The following IFT46 variants were observed in gnomAD, a reference collection of about 807,000 sequenced individuals.
IFT46 encodes intraflagellar transport 46, also known as intraflagellar transport protein 46 homolog.
IFT46 carries 19 observed loss-of-function variants against 39.6 expected under a neutral mutation model. The ratio of observed to expected loss-of-function variants is 0.48; its 90% CI spans 0.33 to 0.70. IFT46 has a LOEUF of 0.70. Ranked by LOEUF, IFT46 falls within the 30% of genes least tolerant of loss-of-function variation. IFT46 has a pLI of 0.01. For synonymous variants in IFT46, 117 were observed against 134.8 expected (o/e 0.87, Z 0.91); for missense variants, 334 against 364.8 (o/e 0.92, Z 0.69).
upstream of IFT46, among the ~76,000 whole-genome samples, chr11:118,568,509 A>G (rs1166048796): frequency 1.3e-5 from 2 of 152,070 alleles, no homozygotes; most frequent in Non-Finnish European, 2.9e-5. Context: ...TTAAGATGGC[A>G]CCACTGCATT....
chr11:118,555,200 G>C, intron 5 of IFT46, 48 bp downstream of exon 5: 3 of 1,568,498 alleles, frequency 1.9e-6, no homozygotes. Context: ...GGAAAGGTTT[G>C]GGGCAAGGTA....
At chr11:118,572,851 G>C (rs1231368093) in exon 1 of IFT46, 2 of 403,084 alleles carry the variant, frequency 5.0e-6, no homozygotes, top group African/African-American at 4.1e-5. Flanking sequence ...CGAGAACTTC[G>C]TGGTGGTGGT....
intron 7 of IFT46, among the ~76,000 whole-genome samples, chr11:118,552,675 C>A (rs1555068727): frequency 6.6e-6 from 1 of 151,954 alleles, no homozygotes; most frequent in African/African-American, 2.4e-5. Context: ...TGCCTGTGGT[C>A]TCAGCTACTT....
chr11:118,571,944 C>G (rs1464075807), intron 1 of IFT46, among the ~76,000 whole-genome samples: 1 of 151,890 alleles, frequency 6.6e-6, no homozygotes, highest in Non-Finnish European at 1.5e-5. Flanking sequence ...AAAAAACAGC[C>G]GAGCGTGGTG....
chr11:118,551,228 T>C (rs1951796842), intron 9 of IFT46, among the ~76,000 whole-genome samples: 1 of 150,638 alleles, frequency 6.6e-6, no homozygotes, highest in Non-Finnish European at 1.5e-5. Flanking sequence ...AAAATTAGCA[T>C]GGTGGCATGG....
intron 3 of IFT46, among the ~76,000 whole-genome samples, chr11:118,558,205 T>C (rs1183558215): frequency 6.6e-6 from 1 of 152,240 alleles, no homozygotes; most frequent in East Asian, 1.9e-4. Flanking sequence ...TATTAGTATA[T>C]GACTGATAAG....
chr11:118,550,956 G>A (rs953124238), intron 9 of IFT46, among the ~76,000 whole-genome samples: 4 of 151,512 alleles, frequency 2.6e-5, no homozygotes, highest in African/African-American at 4.9e-5. Flanking sequence ...GAACCTGCGG[G>A]GGGTACGGAG....
intron 2 of IFT46, among the ~76,000 whole-genome samples, chr11:118,564,188 CAAAAAAAAAA>C (rs34442295): frequency 1.8e-5 from 1 of 55,104 alleles, no homozygotes; most frequent in South Asian, 6.4e-4. Flanking sequence ...GACTCTGTCT[CAAAAAAAAAA>C]AAAAAAAAAA....
chr11:118,546,486 T>TAAA (rs373375710), intron 9 of IFT46: 9 of 212,856 alleles, frequency 4.2e-5, no homozygotes, highest in African/African-American at 1.9e-4. Context: ...TAATACCCTG[T>TAAA]AAAAAAAAAG....
intron 2 of IFT46, chr11:118,560,366 C>G (rs1938000388): frequency 5.9e-6 from 1 of 169,666 alleles, no homozygotes. Context: ...CTGCAGTGAG[C>G]AGTGTCCAGT....
intron 10 of IFT46, 23 bp downstream of exon 10, chr11:118,545,770 G>T: frequency 6.2e-7 from 1 of 1,610,344 alleles, no homozygotes; most frequent in Non-Finnish European, 8.5e-7. Context: ...AGATGGGGAC[G>T]AGGAAAGGAA....
intron 2 of IFT46, 134 bp from the exon 3 acceptor site, chr11:118,559,998 G>A (rs1256373969): frequency 4.8e-6 from 3 of 625,668 alleles, no homozygotes; most frequent in Non-Finnish European, 8.4e-6. Context: ...TAAAGAGACA[G>A]GAGACTGAAT....
Position 118,552,222 on chromosome 11 carries a change from G to T in IFT46, c.597C>A (p.His199Gln). ...LHRSKPPATV[H>Q]YTRPMPDIDT... ...AATGTGGTATTTCTTACCTGGTGTA[G>T]TGCACAGTCGCAGGGGGCTTAGAAC... The change falls in exon 8 of 12, where the codon CAC becomes CAA. Residue 199 changes from histidine to glutamine, a missense_variant. Transcript: ENST00000264021. 1 of 1,614,156 alleles carries T rather than the reference G, an allele frequency of 6.2e-7. No individual in the cohort carries two copies. Among genetic ancestry groups the T allele is most frequent in the Admixed American group, 1.7e-5 (1 of 60,006 alleles).
intron 2 of IFT46, among the ~76,000 whole-genome samples, chr11:118,564,535 G>A (rs190812737): frequency 6.6e-6 from 1 of 152,002 alleles, no homozygotes; most frequent in African/African-American, 2.4e-5. Context: ...ACATAGCGAG[G>A]CCTCGTCTCT....
At chr11:118,560,788 G>A in intron 2 of IFT46, 1 of 724,304 alleles carries the variant, frequency 1.4e-6, no homozygotes, top group Non-Finnish European at 2.5e-6. Flanking sequence ...ACTATCCTCA[G>A]AAATGCTTGG....
intron 9 of IFT46, chr11:118,546,315 T>C (rs1951684999): frequency 3.3e-6 from 2 of 601,580 alleles, no homozygotes; most frequent in Admixed American, 2.9e-5. Context: ...CTGGGCAACA[T>C]GGTGAAATTC....
chr11:118,564,187 TCAAAA>T (rs1341733110), intron 2 of IFT46, among the ~76,000 whole-genome samples: 55 of 59,338 alleles, frequency 9.3e-4, no homozygotes, highest in African/African-American at 4.4e-3. Context: ...AGACTCTGTC[TCAAAA>T]AAAAAAAAAA....
chr11:118,572,679 C>A, exon 1 of IFT46: 2 of 1,233,626 alleles, frequency 1.6e-6, no homozygotes, highest in Non-Finnish European at 2.3e-6. Flanking sequence ...TTGCTCCGGG[C>A]TCGGGGAGCA....
upstream of IFT46, among the ~76,000 whole-genome samples, chr11:118,576,836 CAA>C (rs1938526498): frequency 6.6e-6 from 1 of 152,098 alleles, no homozygotes; most frequent in South Asian, 2.1e-4. Context: ...TGGAATGACT[CAA>C]AGAGAGACAT....
Sources: gnomAD v4.1 joint callset for allele counts (sites outside exome capture counted in the v4.1 genomes callset) on GRCh38, gnomAD v4.1.1 for gene constraint, MANE v1.5 for transcripts, NCBI Gene and HGNC (gene_info 2026-07-23, HGNC 2026-07-21) for gene names.